The following CELSR3 variants were observed in gnomAD, a reference collection of about 807,000 sequenced individuals.
The protein encoded by CELSR3 is EGF-like protein 1.
A neutral mutation model predicts 270.0 loss-of-function variants in CELSR3; 73 were observed. That is an observed-to-expected ratio of 0.27 (90% CI 0.22 to 0.33). The LOEUF is 0.33. Ranked by LOEUF, CELSR3 falls within the 10% of genes least tolerant of loss-of-function variation. The pLI is 1.00. For synonymous variants in CELSR3, 1,780 were observed against 1,905.4 expected (o/e 0.93, Z 1.71); for missense variants, 3,614 against 4,533.8 (o/e 0.80, Z 5.83).
In CELSR3 at chr3:48,642,219, G is replaced by C. The variant is rs2047033760; in HGVS notation, c.8665+139C>G. 1.0e-6 allele frequency: 1 copy of C among 960,706 alleles called. No individual in the cohort carries two copies. Among genetic ancestry groups the C allele is most frequent in the African/African-American group, 1.7e-5 (1 of 60,580 alleles). 59.5% of individuals were successfully genotyped at this position (960,706 alleles called of 1,614,324 possible). On this transcript the variant is annotated intron_variant, in intron 31 of 34. Transcript: ENST00000164024. This position sits in a 1 kb window ranked among gnomAD's most constrained non-coding sequence, Gnocchi z 6.1. ...GACTGGGAGAACCAGGGCTGGAGAGGTAGGTGCCTCCTGAGGCAGGGACCC... is the reference window on the plus strand; with the variant it reads ...GACTGGGAGAACCAGGGCTGGAGAGCTAGGTGCCTCCTGAGGCAGGGACCC...
In CELSR3 at chr3:48,661,716, C is replaced by G. The variant is rs1296550513; in HGVS notation, c.919G>C (p.Val307Leu). 1.9e-6 allele frequency: 3 copies of G among 1,572,132 alleles called. No individual in the cohort carries two copies. Among genetic ancestry groups the G allele is most frequent in the Non-Finnish European group, 2.6e-6 (3 of 1,159,230 alleles). ...GLPARPEARKVTSANRARFRR... is the reference protein window; with the variant it reads ...GLPARPEARKLTSANRARFRR... ...AAGCGTGCCCGGTTCGCCGAGGTTACTTTCCTGGCTTCAGGACGGGCCGGG... is the reference window on the plus strand; with the variant it reads ...AAGCGTGCCCGGTTCGCCGAGGTTAGTTTCCTGGCTTCAGGACGGGCCGGG... Residue 307 changes from valine to leucine, a missense_variant, in exon 1 of 35, where the codon GTA (valine) becomes CTA (leucine). Physicochemically the swap from Val to Leu is conservative, Grantham distance 32 (BLOSUM62 1). Around this residue, in one of 7 missense-constraint regions of CELSR3, gnomAD observed 470 missense variants for 469.7 expected, o/e 1.00. Coordinates refer to ENST00000164024, the MANE Select transcript of CELSR3 (RefSeq NM_001407.3).
At position 48,660,664 on chromosome 3, in the gene CELSR3, T is replaced by C. The variant is rs149724878; in HGVS notation, c.1971A>G (p.Gln657=). 21 of 1,613,990 alleles carry C rather than the reference T, an allele frequency of 1.3e-5. No individual in the cohort carries two copies. Among genetic ancestry groups the C allele is most frequent in the Non-Finnish European group, 1.7e-5 (20 of 1,180,038 alleles). ...HIPIFVSTPF[Q]VSVLENAPLG... ...AGGGAGCATTTTCCAAGACAGAAAC[T>C]TGGAAGGGCGTGCTGACAAAAATAG... Residue 657 remains glutamine (Q), a synonymous_variant, in exon 1 of 35, where the codon CAA becomes CAG. Coordinates refer to ENST00000164024, the MANE Select transcript of CELSR3 (RefSeq NM_001407.3). The surrounding 1 kb of genome is among the most constrained non-coding windows in gnomAD (Gnocchi z 5.5).
chr3:48,649,274 A>T, intron 16 of CELSR3, 59 bp from the exon 17 acceptor site: 5 of 1,295,996 alleles, frequency 3.9e-6, no homozygotes, highest in Non-Finnish European at 5.5e-6. Flanking sequence ...TGAGGAGATA[A>T]CCGCAGCACC....
chr3:48,641,606 C>T lies in CELSR3; in HGVS notation c.8825-82G>A, dbSNP rs973770925. On this transcript the variant is annotated intron_variant, in intron 32 of 34. Coordinates refer to ENST00000164024, the MANE Select transcript of CELSR3 (RefSeq NM_001407.3). The surrounding 1 kb of genome is among the most constrained non-coding windows in gnomAD (Gnocchi z 4.8). ...CCCTGACCCTAATGACCCTTGAAAC[C>T]CTGGCTGTTCTCATTGAGCAGAGGT... 4.6e-6 allele frequency: 5 copies of T among 1,092,362 alleles called. No homozygotes were observed. Among genetic ancestry groups the T allele is most frequent in the Non-Finnish European group, 6.8e-6 (5 of 737,914 alleles). 67.7% of individuals were successfully genotyped at this position (1,092,362 alleles called of 1,614,324 possible).
rs577639093 is a variant in CELSR3, at chr3:48,644,887, T to C, written c.7973-59A>G. On this transcript the variant is annotated intron_variant, in intron 25 of 34. Coordinates refer to ENST00000164024, the MANE Select transcript of CELSR3 (RefSeq NM_001407.3). This position sits in a 1 kb window ranked among gnomAD's most constrained non-coding sequence, Gnocchi z 4.8. Reference sequence around the variant, plus strand: ...TGTTCCAGAGCTGCTGACCAGCCCATGTATGGGAGAAAGCATGGGTGAGGG... The same window carrying C: ...TGTTCCAGAGCTGCTGACCAGCCCACGTATGGGAGAAAGCATGGGTGAGGG... 7.0e-4 allele frequency: 1,081 copies of C among 1,543,780 alleles called. 5 individuals carry two copies. The African/African-American group carries it at 0.011, about 16-fold the overall frequency.
At position 48,653,591 on chromosome 3, in the gene CELSR3, G is replaced by A. The variant is rs368488072; in HGVS notation, c.5448+28C>T. 5.0e-6 allele frequency: 8 copies of A among 1,603,378 alleles called. No individual in the cohort carries two copies. Among genetic ancestry groups the A allele is most frequent in the South Asian group, 1.1e-5 (1 of 90,558 alleles). On this transcript the variant is annotated intron_variant, in intron 9 of 34. Coordinates refer to ENST00000164024, the MANE Select transcript of CELSR3 (RefSeq NM_001407.3). This position sits in a 1 kb window ranked among gnomAD's most constrained non-coding sequence, Gnocchi z 6.5. ...GCGGCCTAAGAGACTGAGAACTGAGGGTATAGGGGTGAGCAGGGTGGACAC... is the reference window on the plus strand; with the variant it reads ...GCGGCCTAAGAGACTGAGAACTGAGAGTATAGGGGTGAGCAGGGTGGACAC...
At chr3:48,643,237 G>A (rs1382261650) in intron 28 of CELSR3, 154 bp from the exon 29 acceptor site, 34 of 640,918 alleles carry the variant, frequency 5.3e-5, no homozygotes, top group Non-Finnish European at 9.3e-5. Context: ...GGGAAGGTCA[G>A]CAGGGGAGAG....
Position 48,642,736 on chromosome 3 carries a change from C to T in CELSR3, c.8555G>A (p.Arg2852Lys). The change falls in exon 30 of 35, where the codon AGG (arginine) becomes AAG (lysine). Residue 2852 changes from arginine to lysine, a missense_variant and splice_region_variant. Transcript: ENST00000164024. This position sits in a 1 kb window ranked among gnomAD's most constrained non-coding sequence, Gnocchi z 6.1. ...QDSQRGRSYL[R>K]DNVLVRHGSA... is the part of the protein sequence containing the mutation. The stretch of plus-strand genomic sequence containing the variant: ...CTCACAAGGAGGCTCTTCCTCTCAC[C>T]TGAGGTAGCTGCGGCCCCGCTGGCT... 6 of 1,609,562 alleles carry T rather than the reference C, an allele frequency of 3.7e-6. No individual in the cohort carries two copies. The highest frequency in any genetic ancestry group is 5.1e-6 in the Non-Finnish European group (6 of 1,179,572).
At position 48,650,661 on chromosome 3, in the gene CELSR3, C is replaced by G. The variant is rs1213711713; in HGVS notation, c.6371-80G>C. On this transcript the variant is annotated intron_variant, in intron 15 of 34. Coordinates refer to ENST00000164024, the MANE Select transcript of CELSR3 (RefSeq NM_001407.3). The surrounding 1 kb of genome is among the most constrained non-coding windows in gnomAD (Gnocchi z 5.1). ...CCACACCCACTGCCCCTCCACCACC[C>G]CCCACAAGGCCCACTGCCCGCCACT... 5.0e-6 allele frequency: 6 copies of G among 1,204,198 alleles called. No homozygotes were observed. The highest frequency in any genetic ancestry group is 5.8e-6 in the Non-Finnish European group (5 of 859,952). 74.6% of individuals were successfully genotyped at this position (1,204,198 alleles called of 1,614,324 possible).
chr3:48,640,637 T>G lies in CELSR3; in HGVS notation c.9026-78A>C. 6 of 1,400,006 alleles carry G rather than the reference T, an allele frequency of 4.3e-6. No homozygotes were observed. Among genetic ancestry groups the G allele is most frequent in the Non-Finnish European group, 5.7e-6 (6 of 1,052,100 alleles). The allele number at this position is 1,400,006 out of a possible 1,614,324, so 86.7% of individuals were successfully genotyped here. A position where few individuals can be genotyped will look rare whatever the true frequency, so the allele number is the denominator to read the frequency against. On this transcript the variant is annotated intron_variant, in intron 33 of 34. Transcript: ENST00000164024. This position sits in a 1 kb window ranked among gnomAD's most constrained non-coding sequence, Gnocchi z 7.5. ...GCAGGAATTGCTGAGTCTAGGGGTGTGGCAGCCCTTGGGATCCTTCCAACA... is the reference window on the plus strand; with the variant it reads ...GCAGGAATTGCTGAGTCTAGGGGTGGGGCAGCCCTTGGGATCCTTCCAACA...
At position 48,651,137 on chromosome 3, in the gene CELSR3, C is replaced by T. The variant is rs976968680; in HGVS notation, c.6187-62G>A. ...TCAGGGCTTGGGGAATGAGTGGAATCAAGGATAAAGGGTCAAGAGAACAGT... is the reference window on the plus strand; with the variant it reads ...TCAGGGCTTGGGGAATGAGTGGAATTAAGGATAAAGGGTCAAGAGAACAGT... On this transcript the variant is annotated intron_variant, in intron 14 of 34. Coordinates refer to ENST00000164024, the MANE Select transcript of CELSR3 (RefSeq NM_001407.3). This position sits in a 1 kb window ranked among gnomAD's most constrained non-coding sequence, Gnocchi z 7.4. 1.3e-6 allele frequency: 2 copies of T among 1,507,194 alleles called. No individual in the cohort carries two copies. Among genetic ancestry groups the T allele is most frequent in the Non-Finnish European group, 1.8e-6 (2 of 1,118,774 alleles). 93.4% of individuals were successfully genotyped at this position (1,507,194 alleles called of 1,614,324 possible).
At position 48,650,291 on chromosome 3, in the gene CELSR3, T is replaced by G. The variant is rs908363484; in HGVS notation, c.6472+189A>C. The G allele has an allele frequency of 1.4e-6, 1 of 691,978 alleles. No individual in the cohort carries two copies. The allele number at this position is 691,978 out of a possible 1,614,324, so 42.9% of individuals were successfully genotyped here. Reference sequence around the variant, plus strand: ...ACCCCTTACCTGCACCCCGCAATCCTGCCCAGAAGCCAAGAGAAACAGATG... The same window carrying G: ...ACCCCTTACCTGCACCCCGCAATCCGGCCCAGAAGCCAAGAGAAACAGATG... On this transcript the variant is annotated intron_variant, in intron 16 of 34. Coordinates refer to ENST00000164024, the MANE Select transcript of CELSR3 (RefSeq NM_001407.3). This position sits in a 1 kb window ranked among gnomAD's most constrained non-coding sequence, Gnocchi z 5.1.
chr3:48,662,703 C>G lies in CELSR3; in HGVS notation c.-69G>C. 2 of 683,826 alleles carry G rather than the reference C, an allele frequency of 2.9e-6. No homozygotes were observed. The highest frequency in any genetic ancestry group is 4.1e-6 in the Non-Finnish European group (2 of 485,718). The allele number at this position is 683,826 out of a possible 1,614,324, so 42.4% of individuals were successfully genotyped here. A position where few individuals can be genotyped will look rare whatever the true frequency, so the allele number is the denominator to read the frequency against. On this transcript the variant is annotated 5_prime_UTR_variant, in exon 1 of 35. Transcript: ENST00000164024. The surrounding 1 kb of genome is among the most constrained non-coding windows in gnomAD (Gnocchi z 7.1). ...CGGGCCTTGGGCTGGCCCCGCCGCT[C>G]GGGCCCCCTCCCGGGCCCCTGCCGC...
In CELSR3 at chr3:48,645,131, G is replaced by A; in HGVS notation, c.7876C>T (p.His2626Tyr). 6.2e-7 allele frequency: 1 copy of A among 1,603,188 alleles called. No homozygotes were observed. Residue 2626 changes from histidine (H) to tyrosine (Y), a missense_variant, in exon 25 of 35, where the codon CAC becomes TAC. Physicochemically the swap from His to Tyr is moderately conservative, Grantham distance 83 (BLOSUM62 2). Coordinates refer to ENST00000164024, the MANE Select transcript of CELSR3 (RefSeq NM_001407.3). The surrounding 1 kb of genome is among the most constrained non-coding windows in gnomAD (Gnocchi z 5.4). ...TFAWLFVQGLHLYRMQVEPRN... is the reference protein window; with the variant it reads ...TFAWLFVQGLYLYRMQVEPRN... ...GGCTCAACCTGCATGCGGTAGAGGT[G>A]CAGCCCCTGCACGAAGAGCCACGCG...
Position 48,652,182 on chromosome 3 carries a change from AAATATCCCC to A in CELSR3, c.5752-143_5752-135del. The A allele has an allele frequency of 1.1e-6, 1 of 936,376 alleles. No individual in the cohort carries two copies. Among genetic ancestry groups the A allele is most frequent in the African/African-American group, 1.7e-5 (1 of 59,492 alleles). 58.0% of individuals were successfully genotyped at this position (936,376 alleles called of 1,614,324 possible). Reference sequence around the variant, plus strand: ...TACCCTCAAAAAACCCAGGCCTCAAAAATATCCCCAATTTGGTACCCCTGTGGGACCCTA... The same window carrying A: ...TACCCTCAAAAAACCCAGGCCTCAAAAATTTGGTACCCCTGTGGGACCCTA... On this transcript the variant is annotated intron_variant, in intron 11 of 34. Transcript: ENST00000164024. This position sits in a 1 kb window ranked among gnomAD's most constrained non-coding sequence, Gnocchi z 4.3.
chr3:48,661,634 A>G lies in CELSR3; in HGVS notation c.1001T>C (p.Val334Ala). 5.6e-6 allele frequency: 9 copies of G among 1,604,394 alleles called. No individual in the cohort carries two copies. Among genetic ancestry groups the G allele is most frequent in the Non-Finnish European group, 7.7e-6 (9 of 1,175,440 alleles). Residue 334 changes from valine to alanine, a missense_variant, in exon 1 of 35, where the codon GTG (valine) becomes GCG (alanine). Physicochemically the swap from Val to Ala is moderately conservative, Grantham distance 64. Around this residue, in one of 7 missense-constraint regions of CELSR3, gnomAD observed 470 missense variants for 469.7 expected, o/e 1.00. Coordinates refer to ENST00000164024, the MANE Select transcript of CELSR3 (RefSeq NM_001407.3). The stretch of plus-strand genomic sequence containing the variant: ...GGTGCCTGCTGCCTCATTCTCCGGC[A>G]CCAGCGTCTGGTAGTTGTACTGCGG... ...QFPQYNYQTLVPENEAAGTAV... is the reference protein window; with the variant it reads ...QFPQYNYQTLAPENEAAGTAV...
Position 48,661,863 on chromosome 3 carries a change from A to T in CELSR3, c.772T>A (p.Ser258Thr). 2 of 1,610,900 alleles carry T rather than the reference A, an allele frequency of 1.2e-6. No homozygotes were observed. Among genetic ancestry groups the T allele is most frequent in the Non-Finnish European group, 1.7e-6 (2 of 1,179,616 alleles). ...CGAGACTCGCGGGGTGCTGAACCTGATGCAGGAGCTGTCCTCGCCGTGCGT... is the reference window on the plus strand; with the variant it reads ...CGAGACTCGCGGGGTGCTGAACCTGTTGCAGGAGCTGTCCTCGCCGTGCGT... The part of the protein sequence containing the change: ...APRTARTAPA[S>T]GSAPRESRTA... Residue 258 changes from serine (S) to threonine (T), a missense_variant, in exon 1 of 35, where the codon TCA (serine) becomes ACA (threonine). By Grantham distance (58) the Ser-to-Thr change is moderately conservative. Coordinates refer to ENST00000164024, the MANE Select transcript of CELSR3 (RefSeq NM_001407.3).
chr3:48,638,412 CT>C (rs2046992551), intron 34 of CELSR3, among the ~76,000 whole-genome samples, 180 bp from the exon 35 acceptor site: 1 of 152,160 alleles, frequency 6.6e-6, no homozygotes, highest in Admixed American at 6.5e-5. Context: ...TTCCGCGCCC[CT>C]AGACTCAGCC....
At position 48,658,981 on chromosome 3, in the gene CELSR3, C is replaced by G. The variant is rs754591706; in HGVS notation, c.3654G>C (p.Leu1218=). The G allele has an allele frequency of 1.2e-6, 2 of 1,614,220 alleles. No homozygotes were observed. The highest frequency in any genetic ancestry group is 1.7e-6 in the Non-Finnish European group (2 of 1,180,042). Residue 1218 remains leucine (L), a synonymous_variant, in exon 1 of 35, where the codon CTG becomes CTC. Coordinates refer to ENST00000164024, the MANE Select transcript of CELSR3 (RefSeq NM_001407.3). This position sits in a 1 kb window ranked among gnomAD's most constrained non-coding sequence, Gnocchi z 4.7. The part of the protein sequence containing the change: ...YSFERGNELQ[L]LVVNQTSGEL... Reference sequence around the variant, plus strand: ...CCCCACTGGTCTGGTTGACTACCAGCAGCTGCAGCTCATTGCCACGCTCAA... The same window carrying G: ...CCCCACTGGTCTGGTTGACTACCAGGAGCTGCAGCTCATTGCCACGCTCAA...
Sources: gnomAD v4.1 joint callset for allele counts (sites outside exome capture counted in the v4.1 genomes callset) on GRCh38, gnomAD v4.1.1 for gene constraint, gnomAD v4.1.1 regional missense constraint, Gnocchi (gnomAD v3.1) non-coding constraint, MANE v1.5 for transcripts, NCBI Gene and HGNC (gene_info 2026-07-23, HGNC 2026-07-21) for gene names.